Variants in SLC30A9 observed in about 807,000 individuals in gnomAD.
SLC30A9 encodes proton-coupled zinc antiporter SLC30A9, mitochondrial.
Under a neutral mutation model 87.5 loss-of-function variants are expected in SLC30A9, and 58 were observed. The ratio of observed to expected loss-of-function variants is 0.66; its 90% CI spans 0.54 to 0.82. The LOEUF (loss-of-function observed/expected upper bound fraction) is 0.82, where lower values mean the gene tolerates loss of function less well. Among genes scored for constraint, SLC30A9 ranks in the 40% least tolerant of loss-of-function variants. The pLI, the probability that SLC30A9 is intolerant of heterozygous loss-of-function variation, is 0.00. For synonymous variants in SLC30A9, 234 were observed against 233.0 expected (o/e 1.00, Z -0.04); for missense variants, 557 against 679.1 (o/e 0.82, Z 2.00).
At chr4:42,001,389 A>G (rs1439079924) in intron 1 of SLC30A9, among the ~76,000 whole-genome samples, 1 of 152,032 alleles carries the variant, frequency 6.6e-6, no homozygotes, top group Non-Finnish European at 1.5e-5. Context: ...ACCTTTCAAA[A>G]TAGCTGAATA....
At chr4:42,045,812 A>G (rs1362321769) in intron 8 of SLC30A9, among the ~76,000 whole-genome samples, 1 of 152,212 alleles carries the variant, frequency 6.6e-6, no homozygotes, top group Non-Finnish European at 1.5e-5. Context: ...ACATCGATGC[A>G]GAAATCCTCA....
intron 17 of SLC30A9, among the ~76,000 whole-genome samples, chr4:42,084,432 T>C (rs10001295): frequency 0.69 from 105,087 of 152,098 alleles, 40,059 homozygotes; most frequent in East Asian, 0.96. Flanking sequence ...TAATTCCCCT[T>C]AAGTTGATTT....
chr4:42,062,139 AG>A (rs1717881552), intron 10 of SLC30A9, among the ~76,000 whole-genome samples: 1 of 151,740 alleles, frequency 6.6e-6, no homozygotes, highest in South Asian at 2.1e-4. Context: ...GGTTGCAGTG[AG>A]CCAAGATCCT....
At chr4:42,063,376 G>A (rs1717943000) in intron 11 of SLC30A9, among the ~76,000 whole-genome samples, 1 of 152,096 alleles carries the variant, frequency 6.6e-6, no homozygotes, top group South Asian at 2.1e-4. Context: ...TAAAATCTTG[G>A]GCAGTTCCAC....
intron 4 of SLC30A9, among the ~76,000 whole-genome samples, chr4:42,021,668 AAAT>A (rs1177131557): frequency 6.6e-6 from 1 of 152,202 alleles, no homozygotes; most frequent in Non-Finnish European, 1.5e-5. Flanking sequence ...ACATATAAAC[AAAT>A]AATGACTGTA....
At chr4:42,013,864 C>G (rs969876523) in intron 2 of SLC30A9, among the ~76,000 whole-genome samples, 5 of 152,196 alleles carry the variant, frequency 3.3e-5, no homozygotes, top group Admixed American at 6.5e-5. Context: ...CCCACAAGCA[C>G]AGGCAACCAG....
intron 7 of SLC30A9, among the ~76,000 whole-genome samples, chr4:42,037,624 C>A (rs531455242): frequency 6.6e-6 from 1 of 152,078 alleles, no homozygotes; most frequent in South Asian, 2.1e-4. Flanking sequence ...CTGCACTTGT[C>A]CCAATATTAA....
At position 42,007,471 on chromosome 4, in the gene SLC30A9, G is replaced by T. The variant is rs148509108; in HGVS notation, c.274+5691G>T. Among the ~76,000 whole-genome samples the T allele has an allele frequency of 1.7e-3, 259 of 152,254 alleles. 1 individual carries two copies. Among genetic ancestry groups the T allele is most frequent in the African/African-American group, 6.0e-3 (251 of 41,540 alleles). The stretch of plus-strand genomic sequence containing the variant: ...CGTCTGTTAAAATGTCACACATCAG[G>T]TCGGGTGCAGTGGCTCATGCCTGTA... On this transcript the variant is annotated intron_variant, in intron 2 of 17. Transcript: ENST00000264451.
intron 1 of SLC30A9, among the ~76,000 whole-genome samples, chr4:42,001,111 T>C (rs1210109418): frequency 6.6e-6 from 1 of 152,026 alleles, no homozygotes; most frequent in Non-Finnish European, 1.5e-5. Context: ...AATTCCCCAT[T>C]TACTGAGGCA....
intron 6 of SLC30A9, among the ~76,000 whole-genome samples, chr4:42,033,358 G>A (rs962333487): frequency 2.6e-5 from 4 of 151,128 alleles, no homozygotes; most frequent in Admixed American, 6.6e-5. Context: ...AGAAAATAAA[G>A]CCAGGCTCCA....
chr4:42,037,022 G>A (rs764392671), intron 7 of SLC30A9, among the ~76,000 whole-genome samples: 62 of 152,100 alleles, frequency 4.1e-4, no homozygotes, highest in Admixed American at 2.1e-3. Flanking sequence ...TACTTCAGAA[G>A]ATTAATACTG....
chr4:42,084,082 A>C (rs1476308791), intron 17 of SLC30A9, among the ~76,000 whole-genome samples: 6 of 152,218 alleles, frequency 3.9e-5, no homozygotes, highest in Admixed American at 3.9e-4. Flanking sequence ...TAAGCTAGGA[A>C]TCCTAACTGA....
intron 14 of SLC30A9, among the ~76,000 whole-genome samples, chr4:42,069,062 T>C (rs1035200773): frequency 1.3e-5 from 2 of 152,222 alleles, no homozygotes; most frequent in Non-Finnish European, 2.9e-5. Flanking sequence ...CATTCTCTGA[T>C]GTTTATTGTG....
At chr4:42,018,561 C>A in intron 3 of SLC30A9, 2 of 535,036 alleles carry the variant, frequency 3.7e-6, no homozygotes, top group Non-Finnish European at 5.4e-6. Flanking sequence ...TGAAGGAATT[C>A]CTGTTTGTAG....
At chr4:42,002,724 C>T (rs1715041195) in intron 2 of SLC30A9, among the ~76,000 whole-genome samples, 1 of 152,070 alleles carries the variant, frequency 6.6e-6, no homozygotes. Flanking sequence ...GTGAATAGTG[C>T]TGCAATGAAC....
At chr4:42,058,015 T>C (rs1251264370) in intron 9 of SLC30A9, among the ~76,000 whole-genome samples, 1 of 148,414 alleles carries the variant, frequency 6.7e-6, no homozygotes, top group Non-Finnish European at 1.5e-5. Context: ...GGCAGGATAA[T>C]CGCTTGAACC....
chr4:42,001,743 A>G lies in SLC30A9; in HGVS notation c.237A>G (p.Gln79=), dbSNP rs934849032. ...TTCAGAAAGAAGGACAGGGATCACAAACACTCAGAGTGGAAAAAGTACCAT... is the reference window on the plus strand; with the variant it reads ...TTCAGAAAGAAGGACAGGGATCACAGACACTCAGAGTGGAAAAAGTACCAT... ...TNVQKEGQGS[Q]TLRVEKVPSF... The change falls in exon 2 of 18, where the codon CAA becomes CAG. Residue 79 remains glutamine, a synonymous_variant. Coordinates refer to ENST00000264451, the MANE Select transcript of SLC30A9 (RefSeq NM_006345.4). 4 of 1,611,550 alleles carry G rather than the reference A, an allele frequency of 2.5e-6. No individual in the cohort carries two copies. The highest frequency in any genetic ancestry group is 1.1e-5 in the South Asian group (1 of 90,736).
intron 9 of SLC30A9, among the ~76,000 whole-genome samples, chr4:42,053,028 A>C (rs925745352): frequency 2.6e-5 from 4 of 152,028 alleles, no homozygotes; most frequent in African/African-American, 7.2e-5. Context: ...TAAAATGAGA[A>C]CCAGTTTTTT....
chr4:42,002,151 AT>A (rs35901104), intron 2 of SLC30A9, among the ~76,000 whole-genome samples: 1 of 150,752 alleles, frequency 6.6e-6, no homozygotes, highest in African/African-American at 2.4e-5. Flanking sequence ...TTTCCAAGTA[AT>A]TTTTTTTTAC....
Sources: gnomAD v4.1 joint callset for allele counts (sites outside exome capture counted in the v4.1 genomes callset) on GRCh38, gnomAD v4.1.1 for gene constraint, MANE v1.5 for transcripts, NCBI Gene and HGNC (gene_info 2026-07-23, HGNC 2026-07-21) for gene names.